Variants in LSAMP observed in about 807,000 individuals in gnomAD.
LSAMP encodes the protein limbic system-associated membrane protein.
Under a neutral mutation model 38.6 loss-of-function variants are expected in LSAMP, and 7 were observed. The observed-to-expected ratio is 0.18, with a 90% CI of 0.10 to 0.34. The LOEUF is 0.34. Ranked by LOEUF, LSAMP falls within the 10% of genes least tolerant of loss-of-function variation. The pLI, the probability that LSAMP is intolerant of heterozygous loss-of-function variation, is 1.00. For synonymous variants in LSAMP, 154 were observed against 166.8 expected (o/e 0.92, Z 0.59); for missense variants, 313 against 420.0 (o/e 0.75, Z 2.23).
chr3:116,047,363 CGAAT>C (rs1559932973), intron 2 of LSAMP, among the ~76,000 whole-genome samples: 8 of 131,764 alleles, frequency 6.1e-5, no homozygotes, highest in Non-Finnish European at 1.2e-4. Context: ...TCTTAAAATA[CGAAT>C]CTAGTCTAAA....
chr3:116,288,927 A>C (rs550903789), intron 1 of LSAMP, among the ~76,000 whole-genome samples: 31 of 152,338 alleles, frequency 2.0e-4, no homozygotes, highest in Non-Finnish European at 3.7e-4. Flanking sequence ...ATAAATGTTT[A>C]AACCATTTCA....
chr3:116,367,772 G>A (rs1398134943), intron 1 of LSAMP, among the ~76,000 whole-genome samples: 2 of 151,750 alleles, frequency 1.3e-5, no homozygotes, highest in Non-Finnish European at 2.9e-5. Context: ...GCCTCCCAAA[G>A]TGCTGGGATT....
intron 3 of LSAMP, among the ~76,000 whole-genome samples, chr3:116,007,098 T>C (rs933649730): frequency 5.3e-5 from 8 of 152,226 alleles, no homozygotes; most frequent in Non-Finnish European, 1.0e-4. Flanking sequence ...AACTGAATTA[T>C]TGAAGTTTTT....
chr3:115,934,929 G>A (rs115417213), intron 3 of LSAMP, among the ~76,000 whole-genome samples: 145 of 152,238 alleles, frequency 9.5e-4, no homozygotes, highest in Non-Finnish European at 1.8e-3. Flanking sequence ...TACAAGTGAT[G>A]AGTAAGATTA....
chr3:116,178,748 C>T (rs1369724002), intron 1 of LSAMP, among the ~76,000 whole-genome samples: 1 of 152,140 alleles, frequency 6.6e-6, no homozygotes, highest in African/African-American at 2.4e-5. Context: ...CTATCCCACC[C>T]TTCAAAACAG....
rs557686532 is a variant in LSAMP at position 115,851,710 on chromosome 3, C to A, written c.649+773G>T. ...TGTCAAAGCTTCCCTTTGTCCCTGA[C>A]ACTAGCCACAGCTGTGTGATGTGGG... On this transcript the variant is annotated intron_variant, in intron 4 of 6. Coordinates refer to ENST00000490035, the MANE Select transcript of LSAMP (RefSeq NM_002338.5). Among the ~76,000 whole-genome samples the A allele has an allele frequency of 3.3e-5, 5 of 152,316 alleles. No individual in the cohort carries two copies. The South Asian group carries it at 1.0e-3, about 32-fold the overall frequency.
chr3:115,947,633 G>A (rs1457462287), intron 3 of LSAMP, among the ~76,000 whole-genome samples: 2 of 152,112 alleles, frequency 1.3e-5, no homozygotes, highest in Non-Finnish European at 1.5e-5. Flanking sequence ...TCAAGATTAT[G>A]AGATTTTTTA....
chr3:116,287,140 G>T (rs1157932780), intron 1 of LSAMP, among the ~76,000 whole-genome samples: 1 of 152,020 alleles, frequency 6.6e-6, no homozygotes, highest in African/African-American at 2.4e-5. Context: ...TTAAGACTTG[G>T]TGATGTGTGT....
At chr3:116,380,261 T>C (rs1362866619) in intron 1 of LSAMP, among the ~76,000 whole-genome samples, 1 of 152,096 alleles carries the variant, frequency 6.6e-6, no homozygotes, top group East Asian at 1.9e-4. Context: ...TACTGTGAGC[T>C]GTTTTTAATA....
At chr3:116,060,198 G>GTTTTTTTTTTTTTT (rs55818433) in intron 2 of LSAMP, among the ~76,000 whole-genome samples, 28 of 142,016 alleles carry the variant, frequency 2.0e-4, no homozygotes, top group African/African-American at 6.2e-4. Flanking sequence ...AAGCAACATA[G>GTTTTTTTTTTTTTT]TTTTTTTTTT....
At chr3:116,053,687 G>C (rs1210515313) in intron 2 of LSAMP, among the ~76,000 whole-genome samples, 1 of 152,162 alleles carries the variant, frequency 6.6e-6, no homozygotes, top group Non-Finnish European at 1.5e-5. Context: ...AAGTAAATGA[G>C]AGACAGAATG....
chr3:115,896,519 T>G, intron 3 of LSAMP, among the ~76,000 whole-genome samples: 1 of 152,066 alleles, frequency 6.6e-6, no homozygotes, highest in Non-Finnish European at 1.5e-5. Flanking sequence ...GCAAGGCAGG[T>G]GATTCTGGAT....
At chr3:116,388,951 T>A (rs1306344819) in intron 1 of LSAMP, among the ~76,000 whole-genome samples, 1 of 152,032 alleles carries the variant, frequency 6.6e-6, no homozygotes, top group African/African-American at 2.4e-5. Flanking sequence ...TAAATTGGCA[T>A]TAAGAAATAG....
chr3:116,428,613 T>C (rs1375543617), intron 1 of LSAMP, among the ~76,000 whole-genome samples: 1 of 152,172 alleles, frequency 6.6e-6, no homozygotes, highest in Non-Finnish European at 1.5e-5. Context: ...CATATAATGC[T>C]TAGTGTGTAT....
chr3:115,971,728 CT>C (rs1270910861), intron 3 of LSAMP, among the ~76,000 whole-genome samples: 3 of 152,086 alleles, frequency 2.0e-5, no homozygotes, highest in African/African-American at 7.2e-5. Flanking sequence ...CCTTTTCCTA[CT>C]GTATACAACA....
chr3:116,054,256 T>C (rs539504695), intron 2 of LSAMP, among the ~76,000 whole-genome samples: 1 of 152,332 alleles, frequency 6.6e-6, no homozygotes, highest in South Asian at 2.1e-4. Context: ...TCTGATTCTT[T>C]TAAGGATCCT....
intron 1 of LSAMP, among the ~76,000 whole-genome samples, chr3:116,419,146 C>A (rs764485434): frequency 3.9e-5 from 6 of 152,184 alleles, no homozygotes; most frequent in South Asian, 4.1e-4. Flanking sequence ...ACGCTTCCTG[C>A]CACTATGGCA....
chr3:115,962,303 T>G (rs928152321), intron 3 of LSAMP, among the ~76,000 whole-genome samples: 2 of 152,234 alleles, frequency 1.3e-5, no homozygotes, highest in African/African-American at 4.8e-5. Flanking sequence ...TCCATTGAAC[T>G]GACTGCTTTC....
At chr3:116,114,256 A>G (rs1708693303) in intron 1 of LSAMP, among the ~76,000 whole-genome samples, 1 of 152,188 alleles carries the variant, frequency 6.6e-6, no homozygotes, top group African/African-American at 2.4e-5. Context: ...GAGCCTGAGT[A>G]AGAACATTTT....
Sources: allele counts gnomAD v4.1 joint callset (sites outside exome capture counted in the v4.1 genomes callset), GRCh38; gene constraint gnomAD v4.1.1; transcripts MANE v1.5; gene names NCBI Gene and HGNC (gene_info 2026-07-23, HGNC 2026-07-21).